ARHGEF28: variants seen among roughly 807,000 people sequenced by gnomAD.
ARHGEF28 encodes 190 kDa guanine nucleotide exchange factor.
A neutral mutation model predicts 206.6 loss-of-function variants in ARHGEF28; 152 were observed. The observed-to-expected ratio is 0.74, with a 90% CI of 0.64 to 0.84. The LOEUF is 0.84. ARHGEF28 is among the 40% of genes least tolerant of loss of function. The pLI, the probability that ARHGEF28 is intolerant of heterozygous loss-of-function variation, is 0.00. For missense variants in ARHGEF28, 2,028 were observed against 2,073.2 expected (o/e 0.98, Z 0.42); for synonymous variants, 763 against 776.4 (o/e 0.98, Z 0.29).
At chr5:73,902,199 AGT>A (rs1312698138) in intron 31 of ARHGEF28, 2 of 152,316 alleles carry the variant, frequency 1.3e-5, no homozygotes, top group South Asian at 2.1e-4. Context: ...GCTGTGACTG[AGT>A]GTTCTTTTTT....
At chr5:73,891,021 T>G (rs1761594861) in intron 26 of ARHGEF28, among the ~76,000 whole-genome samples, 1 of 152,176 alleles carries the variant, frequency 6.6e-6, no homozygotes, top group South Asian at 2.1e-4. Flanking sequence ...CATGCCAAAT[T>G]TTAGACTTTC....
chr5:73,935,642 C>T lies in ARHGEF28; in HGVS notation c.4949-5202C>T, dbSNP rs564461167. Among the ~76,000 whole-genome samples, 5 of 152,174 alleles carry T rather than the reference C, an allele frequency of 3.3e-5. No homozygotes were observed. In the South Asian group the frequency reaches 1.0e-3, roughly 32 times the overall value. ...GTTTCAGAGGGTAAATATGAATCAA[C>T]CACTAAACAGGGAATATAACTTATA... On this transcript the variant is annotated intron_variant, in intron 35 of 35. Coordinates refer to ENST00000513042, the MANE Select transcript of ARHGEF28 (RefSeq NM_001177693.2).
Position 73,894,436 on chromosome 5 carries a change from G to A in ARHGEF28, c.3702G>A (p.Glu1234=). 6.2e-7 allele frequency: 1 copy of A among 1,613,592 alleles called. No individual in the cohort carries two copies. The highest frequency in any genetic ancestry group is 8.5e-7 in the Non-Finnish European group (1 of 1,179,734). The change falls in exon 29 of 36, where the codon GAG becomes GAA. Residue 1234 remains glutamate (E), a synonymous_variant. Coordinates refer to ENST00000513042, the MANE Select transcript of ARHGEF28 (RefSeq NM_001177693.2). ...NQDQQICAYL[E]EKLHIYAELG... is the part of the protein sequence containing the mutation. ...ACCAACAAATTTGTGCGTATTTGGA[G>A]GAGAAGCTGCATATCTATGCTGAAC...
intron 35 of ARHGEF28, among the ~76,000 whole-genome samples, chr5:73,930,056 T>G (rs1241646239): frequency 2.6e-5 from 4 of 152,338 alleles, no homozygotes; most frequent in African/African-American, 9.6e-5. Context: ...TTTTTTCCTA[T>G]TAGAAGTGGA....
At chr5:73,799,323 T>A (rs1435544517) in intron 9 of ARHGEF28, among the ~76,000 whole-genome samples, 1 of 152,134 alleles carries the variant, frequency 6.6e-6, no homozygotes, top group Non-Finnish European at 1.5e-5. Flanking sequence ...CATCACTGAA[T>A]CAGCAAAGCT....
intron 25 of ARHGEF28, among the ~76,000 whole-genome samples, 173 bp downstream of exon 25, chr5:73,886,277 A>G (rs1761289718): frequency 6.6e-6 from 1 of 152,236 alleles, no homozygotes; most frequent in Non-Finnish European, 1.5e-5. Flanking sequence ...AATGATACAA[A>G]TCTTTGGTGG....
At chr5:73,640,004 T>C (rs1230627642) in intron 1 of ARHGEF28, among the ~76,000 whole-genome samples, 6 of 152,218 alleles carry the variant, frequency 3.9e-5, no homozygotes, top group African/African-American at 1.4e-4. Flanking sequence ...TAAACCAGAA[T>C]ATGGTTAAAA....
At chr5:73,868,256 T>C (rs958905862) in intron 20 of ARHGEF28, 29 bp downstream of exon 20, 4 of 1,533,374 alleles carry the variant, frequency 2.6e-6, no homozygotes. Context: ...TCCATTTATT[T>C]GTGTTTTTGT....
intron 31 of ARHGEF28, chr5:73,902,845 T>G (rs893477694): frequency 6.6e-6 from 1 of 152,200 alleles, no homozygotes; most frequent in Non-Finnish European, 1.5e-5. Context: ...TCCAACTCAT[T>G]TCTATGGTTC....
intron 35 of ARHGEF28, among the ~76,000 whole-genome samples, chr5:73,921,230 G>A (rs1050392066): frequency 6.6e-5 from 10 of 152,168 alleles, no homozygotes; most frequent in African/African-American, 1.9e-4. Flanking sequence ...AAAATGAAGT[G>A]TGGTTGAATC....
chr5:73,932,455 A>T (rs1764179515), intron 35 of ARHGEF28, among the ~76,000 whole-genome samples: 2 of 152,044 alleles, frequency 1.3e-5, no homozygotes, highest in African/African-American at 2.4e-5. Flanking sequence ...GCCCAAGTTT[A>T]CAAATAAGGA....
intron 23 of ARHGEF28, 140 bp downstream of exon 23, chr5:73,882,734 C>A: frequency 1.3e-6 from 1 of 799,336 alleles, no homozygotes; most frequent in Non-Finnish European, 1.9e-6. Flanking sequence ...ATGTTTGTGA[C>A]AAAGGTGGAA....
intron 28 of ARHGEF28, 31 bp from the exon 29 acceptor site, chr5:73,894,362 A>G: frequency 6.4e-7 from 1 of 1,553,904 alleles, no homozygotes; most frequent in Non-Finnish European, 8.8e-7. Context: ...CATGTTAGTG[A>G]TAATCTTCTA....
intron 7 of ARHGEF28, among the ~76,000 whole-genome samples, chr5:73,781,078 A>G (rs979568455): frequency 2.0e-5 from 3 of 152,096 alleles, no homozygotes; most frequent in African/African-American, 4.8e-5. Context: ...CCTTCATTCT[A>G]TCATTTGTTC....
At chr5:73,660,898 A>G (rs1026344138) in intron 1 of ARHGEF28, among the ~76,000 whole-genome samples, 6 of 152,146 alleles carry the variant, frequency 3.9e-5, no homozygotes, top group Non-Finnish European at 7.3e-5. Context: ...TAGATTTAGC[A>G]TACTTCCTAA....
chr5:73,770,815 G>A (rs929793574), intron 4 of ARHGEF28, among the ~76,000 whole-genome samples: 2 of 152,136 alleles, frequency 1.3e-5, no homozygotes, highest in African/African-American at 2.4e-5. Context: ...CCTCCTCCCC[G>A]GGAAGTGGGT....
chr5:73,828,073 T>TA (rs987938703), intron 9 of ARHGEF28: 4 of 152,070 alleles, frequency 2.6e-5, no homozygotes, highest in African/African-American at 9.7e-5. Flanking sequence ...CTGTAACACT[T>TA]AAAAAAATGA....
In ARHGEF28 at chr5:73,642,699, T is replaced by G. The variant is rs575972350; in HGVS notation, c.-12+16377T>G. 3.9e-5 allele frequency among the ~76,000 whole-genome samples: 6 copies of G among 152,280 alleles called. No homozygotes were observed. The East Asian group carries it at 1.2e-3, about 29-fold the overall frequency. On this transcript the variant is annotated intron_variant, in intron 1 of 35. Coordinates refer to ENST00000513042, the MANE Select transcript of ARHGEF28 (RefSeq NM_001177693.2). ...TTTTCCAGTGGTATCCCAAGGACAGTGGGCACACTCCTCTGCTCTCACTCC... is the reference window on the plus strand; with the variant it reads ...TTTTCCAGTGGTATCCCAAGGACAGGGGGCACACTCCTCTGCTCTCACTCC...
chr5:73,784,020 A>G (rs945664679), intron 7 of ARHGEF28, among the ~76,000 whole-genome samples: 1 of 152,164 alleles, frequency 6.6e-6, no homozygotes, highest in African/African-American at 2.4e-5. Context: ...AGCAGAGGGC[A>G]ATATTCAACT....
Sources: gnomAD v4.1 joint callset for allele counts (sites outside exome capture counted in the v4.1 genomes callset) on GRCh38, gnomAD v4.1.1 for gene constraint, MANE v1.5 for transcripts, NCBI Gene and HGNC (gene_info 2026-07-23, HGNC 2026-07-21) for gene names.